The following TMOD2 variants were observed in gnomAD, a reference collection of about 807,000 sequenced individuals.
TMOD2 encodes tropomodulin-2.
TMOD2 carries 22 observed loss-of-function variants against 39.9 expected under a neutral mutation model. The observed-to-expected ratio is 0.55, with a 90% CI of 0.39 to 0.79. The LOEUF is 0.79. TMOD2 is among the 30% of genes least tolerant of loss of function. The pLI is 0.00. For synonymous variants in TMOD2, 123 were observed against 146.1 expected (o/e 0.84, Z 1.14); for missense variants, 386 against 413.3 (o/e 0.93, Z 0.57).
intron 7 of TMOD2, among the ~76,000 whole-genome samples, chr15:51,789,416 CT>C (rs1323285569): frequency 1.3e-5 from 2 of 152,194 alleles, no homozygotes; most frequent in Admixed American, 1.3e-4. Context: ...TAATGGGAGA[CT>C]TTAACACCCC....
At chr15:51,806,265 CT>C in intron 8 of TMOD2, 111 bp from the exon 9 acceptor site, 1 of 1,226,146 alleles carries the variant, frequency 8.2e-7, no homozygotes, top group Non-Finnish European at 1.1e-6. Flanking sequence ...AGTTTGAGAC[CT>C]TTGCCTCTTT....
At chr15:51,765,756 C>T (rs1170343514) in intron 1 of TMOD2, among the ~76,000 whole-genome samples, 3 of 152,062 alleles carry the variant, frequency 2.0e-5, no homozygotes, top group Non-Finnish European at 4.4e-5. Flanking sequence ...GAATGGAAAA[C>T]AAAGCAAGGA....
At chr15:51,787,354 G>A (rs117124544) in intron 7 of TMOD2, among the ~76,000 whole-genome samples, 6 of 152,228 alleles carry the variant, frequency 3.9e-5, no homozygotes, top group Non-Finnish European at 8.8e-5. Flanking sequence ...ATGGAAGCTC[G>A]AACTGGGCGG....
intron 3 of TMOD2, among the ~76,000 whole-genome samples, chr15:51,770,984 A>G: frequency 6.6e-6 from 1 of 152,210 alleles, no homozygotes; most frequent in Non-Finnish European, 1.5e-5. Context: ...TCAAGTAGTG[A>G]CAGCATAATA....
intron 8 of TMOD2, among the ~76,000 whole-genome samples, chr15:51,804,553 A>G (rs953995832): frequency 1.6e-4 from 24 of 151,014 alleles, no homozygotes; most frequent in African/African-American, 5.8e-4. Context: ...ACAAGCCTGT[A>G]CGTTTTGTTT....
chr15:51,775,085 T>C (rs562393875), intron 4 of TMOD2, among the ~76,000 whole-genome samples: 2 of 152,280 alleles, frequency 1.3e-5, no homozygotes, highest in South Asian at 2.1e-4. Context: ...TTCTGGAAGA[T>C]TGAAGGCAGC....
rs2056065295 is a variant in TMOD2 at position 51,798,245 on chromosome 15, A to G, written c.781A>G (p.Ile261Val). Residue 261 changes from isoleucine to valine, a missense_variant, in exon 8 of 10, where the codon ATA becomes GTA. Coordinates refer to ENST00000249700, the MANE Select transcript of TMOD2 (RefSeq NM_014548.4). ...KVNKTLTSLNIESNFITGTGI... is the reference protein window; with the variant it reads ...KVNKTLTSLNVESNFITGTGI... ...AAACAAGACCTTGACAAGTCTAAAC[A>G]TAGAATCCAATTTTATCACTGGAAC... The G allele has an allele frequency of 1.2e-6, 2 of 1,613,934 alleles. No individual in the cohort carries two copies. The highest frequency in any genetic ancestry group is 8.5e-7 in the Non-Finnish European group (1 of 1,179,998).
rs550663172 is a variant in TMOD2, at chr15:51,815,869, G to A, written c.*7415G>A. ...GTAATGTGTGACTTTATGTGTGTCTGTGTTGTTTTGAAGAGAATAAAGGAA... is the reference window on the plus strand; with the variant it reads ...GTAATGTGTGACTTTATGTGTGTCTATGTTGTTTTGAAGAGAATAAAGGAA... On this transcript the variant is annotated 3_prime_UTR_variant, in exon 10 of 10. Coordinates refer to ENST00000249700, the MANE Select transcript of TMOD2 (RefSeq NM_014548.4). 3.3e-5 allele frequency: 5 copies of A among 152,288 alleles called. No individual in the cohort carries two copies. The East Asian group carries it at 5.8e-4, about 18-fold the overall frequency. 9.4% of individuals were successfully genotyped at this position (152,288 alleles called of 1,614,324 possible).
At chr15:51,796,372 T>A (rs1157974087) in intron 7 of TMOD2, among the ~76,000 whole-genome samples, 1 of 152,122 alleles carries the variant, frequency 6.6e-6, no homozygotes, top group South Asian at 2.1e-4. Context: ...GAGTGAGAGC[T>A]TTTTTTCAGC....
At chr15:51,799,259 G>A (rs962412388) in intron 8 of TMOD2, among the ~76,000 whole-genome samples, 1 of 152,210 alleles carries the variant, frequency 6.6e-6, no homozygotes, top group Non-Finnish European at 1.5e-5. Flanking sequence ...CCTGTGGGAT[G>A]GTGGGAGAGA....
In TMOD2 at chr15:51,766,488, A is replaced by C. The variant is rs1466119395; in HGVS notation, c.47A>C (p.Asp16Ala). ...GAGCTGGAGAAATACAAGAACATTG[A>C]TGAAGATGAGCTTCTTGGCAAACTC... Reference protein sequence around the residue: ...QKELEKYKNIDEDELLGKLSE... With the variant: ...QKELEKYKNIAEDELLGKLSE... The change falls in exon 2 of 10, where the codon GAT becomes GCT. Residue 16 changes from aspartate (D) to alanine (A), a missense_variant. By Grantham distance (126) the Asp-to-Ala change is moderately radical (BLOSUM62 -2). Coordinates refer to ENST00000249700, the MANE Select transcript of TMOD2 (RefSeq NM_014548.4). 1 of 1,614,074 alleles carries C rather than the reference A, an allele frequency of 6.2e-7. No individual in the cohort carries two copies. The highest frequency in any genetic ancestry group is 1.7e-5 in the Admixed American group (1 of 60,032).
chr15:51,765,021 T>G (rs2055807288), intron 1 of TMOD2, among the ~76,000 whole-genome samples: 1 of 152,118 alleles, frequency 6.6e-6, no homozygotes, highest in Non-Finnish European at 1.5e-5. Flanking sequence ...AATTTTTTTT[T>G]TGAGAGAGTC....
intron 3 of TMOD2, among the ~76,000 whole-genome samples, chr15:51,771,447 A>G (rs2055853244): frequency 6.6e-6 from 1 of 152,228 alleles, no homozygotes; most frequent in Admixed American, 6.5e-5. Flanking sequence ...ATGGATCTGC[A>G]TCAGCAGTTC....
chr15:51,795,565 G>GCTTTCTTT (rs2056043076), intron 7 of TMOD2, among the ~76,000 whole-genome samples: 3 of 108,838 alleles, frequency 2.8e-5, no homozygotes, highest in African/African-American at 4.2e-5. Context: ...CTTCTCTTCT[G>GCTTTCTTT]CTTGCTTGCT....
intron 7 of TMOD2, among the ~76,000 whole-genome samples, chr15:51,785,845 A>G (rs1035529705): frequency 1.3e-5 from 2 of 152,208 alleles, no homozygotes; most frequent in Admixed American, 1.3e-4. Flanking sequence ...GGCTATTCCA[A>G]TTACTCCAAT....
intron 7 of TMOD2, among the ~76,000 whole-genome samples, chr15:51,787,414 G>T (rs1595872874): frequency 6.6e-6 from 1 of 152,370 alleles, no homozygotes; most frequent in Non-Finnish European, 1.5e-5. Flanking sequence ...TTCCACCTCT[G>T]GGGGCAGGGC....
At chr15:51,751,992 C>T (rs1347495096) in intron 1 of TMOD2, among the ~76,000 whole-genome samples, 2 of 151,632 alleles carry the variant, frequency 1.3e-5, no homozygotes, top group African/African-American at 2.4e-5. Flanking sequence ...CCTCTGCAGC[C>T]CGCTGGGCCG....
At chr15:51,802,005 A>G (rs1313792733) in intron 8 of TMOD2, among the ~76,000 whole-genome samples, 1 of 151,310 alleles carries the variant, frequency 6.6e-6, no homozygotes, top group Non-Finnish European at 1.5e-5. Flanking sequence ...ATTTAAGTAT[A>G]TATAAAGACT....
chr15:51,806,628 T>C, intron 9 of TMOD2, 107 bp downstream of exon 9: 1 of 1,267,254 alleles, frequency 7.9e-7, no homozygotes, highest in Non-Finnish European at 1.1e-6. Context: ...GCCTCTGATG[T>C]CACTCACTTC....
Sources: gnomAD v4.1 joint callset for allele counts (sites outside exome capture counted in the v4.1 genomes callset) on GRCh38, gnomAD v4.1.1 for gene constraint, MANE v1.5 for transcripts, NCBI Gene and HGNC (gene_info 2026-07-23, HGNC 2026-07-21) for gene names.